TMEM236: variants seen among roughly 807,000 people sequenced by gnomAD.
TMEM236 encodes the protein family with sequence similarity 23, member A.
A neutral mutation model predicts 14.7 loss-of-function variants in TMEM236; 11 were observed. That is an observed-to-expected ratio of 0.75 (90% CI 0.47 to 1.24). The LOEUF is 1.24. Ranked by LOEUF, TMEM236 falls within the 50% of genes most tolerant of loss-of-function variation. TMEM236 has a pLI of 0.00. For missense variants in TMEM236, 464 were observed against 427.3 expected, an observed-to-expected ratio of 1.09 and a Z score of -0.76; for synonymous variants, 182 against 168.6, an observed-to-expected ratio of 1.08 and a Z score of -0.62.
At chr10:17,789,577 G>C (rs1361552592) in intron 3 of TMEM236, among the ~76,000 whole-genome samples, 1 of 152,130 alleles carries the variant, frequency 6.6e-6, no homozygotes, top group Non-Finnish European at 1.5e-5. Flanking sequence ...CTCAGTGAGA[G>C]TATGTCAAAA....
chr10:17,788,934 C>T (rs1837878878), intron 3 of TMEM236, among the ~76,000 whole-genome samples: 1 of 152,214 alleles, frequency 6.6e-6, no homozygotes, highest in African/African-American at 2.4e-5. Context: ...GTTTTGAGCA[C>T]AGGCAGTAGT....
intron 3 of TMEM236, among the ~76,000 whole-genome samples, chr10:17,795,641 G>A (rs1383779723): frequency 2.6e-5 from 4 of 152,140 alleles, no homozygotes; most frequent in African/African-American, 9.7e-5. Context: ...ATGTGGGGAG[G>A]GAGAGCATCA....
At chr10:17,783,916 G>A (rs1183393838) in intron 3 of TMEM236, among the ~76,000 whole-genome samples, 2 of 151,730 alleles carry the variant, frequency 1.3e-5, no homozygotes, top group African/African-American at 2.4e-5. Flanking sequence ...TGTTGGTATG[G>A]CCATTTTTCT....
At chr10:17,765,597 T>C (rs1168501101) in intron 1 of TMEM236, among the ~76,000 whole-genome samples, 1 of 152,184 alleles carries the variant, frequency 6.6e-6, no homozygotes, top group African/African-American at 2.4e-5. Flanking sequence ...GACATTACCA[T>C]TCTGAAAGGG....
At chr10:17,783,591 A>G (rs1452338672) in intron 3 of TMEM236, among the ~76,000 whole-genome samples, 1 of 152,168 alleles carries the variant, frequency 6.6e-6, no homozygotes, top group African/African-American at 2.4e-5. Context: ...ATAGATGGCT[A>G]TTTCCTTAGG....
chr10:17,794,216 A>C (rs890685585), intron 3 of TMEM236, among the ~76,000 whole-genome samples: 29,133 of 152,112 alleles, frequency 0.19, 3,165 homozygotes, highest in Non-Finnish European at 0.24. Flanking sequence ...AATGTTTTCA[A>C]ATTCAGTTCC....
At chr10:17,768,130 G>C (rs1837505074) in intron 1 of TMEM236, among the ~76,000 whole-genome samples, 1 of 112,214 alleles carries the variant, frequency 8.9e-6, no homozygotes, top group African/African-American at 4.0e-5. Flanking sequence ...GATTTGCTGT[G>C]TTGCCCAGGT....
At chr10:17,789,909 A>G (rs1165956446) in intron 3 of TMEM236, among the ~76,000 whole-genome samples, 1 of 152,104 alleles carries the variant, frequency 6.6e-6, no homozygotes, top group Non-Finnish European at 1.5e-5. Context: ...CTGTAGTCCC[A>G]GCTACTCGGG....
chr10:17,780,872 G>A (rs1053996570), intron 3 of TMEM236, among the ~76,000 whole-genome samples: 44 of 152,170 alleles, frequency 2.9e-4, no homozygotes, highest in African/African-American at 7.7e-4. Context: ...AGAGTGCACC[G>A]GGTTTTATAG....
chr10:17,760,863 C>T (rs1170074388), intron 1 of TMEM236, among the ~76,000 whole-genome samples: 1 of 152,126 alleles, frequency 6.6e-6, no homozygotes, highest in Non-Finnish European at 1.5e-5. Flanking sequence ...ATCCGTGAAA[C>T]GTATTCACTG....
intron 1 of TMEM236, among the ~76,000 whole-genome samples, chr10:17,766,457 A>G (rs1489465778): frequency 6.6e-6 from 1 of 152,178 alleles, no homozygotes; most frequent in Non-Finnish European, 1.5e-5. Context: ...TCTACTCTCT[A>G]AGATGCTAAC....
At chr10:17,789,022 T>C (rs1837880876) in intron 3 of TMEM236, among the ~76,000 whole-genome samples, 2 of 152,176 alleles carry the variant, frequency 1.3e-5, no homozygotes, top group African/African-American at 4.8e-5. Context: ...TTGTAACATT[T>C]GCCAGTGTCT....
At chr10:17,759,743 A>G (rs983828016) in intron 1 of TMEM236, among the ~76,000 whole-genome samples, 9 of 152,062 alleles carry the variant, frequency 5.9e-5, no homozygotes, top group African/African-American at 1.9e-4. Flanking sequence ...AAGATCACAG[A>G]GCCAATGAGT....
rs1036475545 is a variant in TMEM236, at chr10:17,796,427, G to T, written c.979G>T (p.Val327Leu). 3.7e-6 allele frequency: 6 copies of T among 1,613,624 alleles called. No homozygotes were observed. Among genetic ancestry groups the T allele is most frequent in the Non-Finnish European group, 5.1e-6 (6 of 1,179,828 alleles). Reference protein sequence around the residue: ...PVLGLCKNILVTLSYIYFNYL... With the variant: ...PVLGLCKNILLTLSYIYFNYL... ...ACTGGGCCTGTGTAAAAATATCCTCGTGACTCTCTCTTACATTTACTTCAA... is the reference window on the plus strand; with the variant it reads ...ACTGGGCCTGTGTAAAAATATCCTCTTGACTCTCTCTTACATTTACTTCAA... Residue 327 changes from valine to leucine, a missense_variant, in exon 4 of 4, where the codon GTG (valine) becomes TTG (leucine). Transcript: ENST00000377495.
At chr10:17,790,651 C>T (rs1167751386) in intron 3 of TMEM236, among the ~76,000 whole-genome samples, 4 of 152,082 alleles carry the variant, frequency 2.6e-5, no homozygotes, top group African/African-American at 9.7e-5. Flanking sequence ...TTATGACTAC[C>T]ACTGCTTTGT....
At chr10:17,754,796 G>C (rs1487042291) in intron 1 of TMEM236, among the ~76,000 whole-genome samples, 3 of 152,138 alleles carry the variant, frequency 2.0e-5, no homozygotes, top group Non-Finnish European at 4.4e-5. Context: ...TAAGGGTATT[G>C]AGAACAAATA....
At chr10:17,771,037 T>A (rs1837563128) in intron 1 of TMEM236, among the ~76,000 whole-genome samples, 1 of 152,250 alleles carries the variant, frequency 6.6e-6, no homozygotes, top group Non-Finnish European at 1.5e-5. Flanking sequence ...ACATGTTGAA[T>A]GTCATTTGAC....
intron 3 of TMEM236, among the ~76,000 whole-genome samples, chr10:17,777,874 G>A (rs1837684515): frequency 1.3e-5 from 2 of 152,162 alleles, no homozygotes; most frequent in Non-Finnish European, 2.9e-5. Context: ...GAGTAGCTGG[G>A]ATTGCAGGCA....
chr10:17,755,841 T>C (rs1837277331), intron 1 of TMEM236, among the ~76,000 whole-genome samples: 1 of 152,228 alleles, frequency 6.6e-6, no homozygotes. Flanking sequence ...CCTAAGACTC[T>C]AGATTCTGAA....
Sources: allele counts gnomAD v4.1 joint callset (sites outside exome capture counted in the v4.1 genomes callset), GRCh38; gene constraint gnomAD v4.1.1; transcripts MANE v1.5; gene names NCBI Gene and HGNC (gene_info 2026-07-23, HGNC 2026-07-21).